The following TMC5 variants were observed in gnomAD, a reference collection of about 807,000 sequenced individuals.
TMC5 encodes transmembrane channel-like protein 5.
A neutral mutation model predicts 110.5 loss-of-function variants in TMC5; 86 were observed. The observed-to-expected ratio is 0.78, with a 90% CI of 0.65 to 0.93. The LOEUF (loss-of-function observed/expected upper bound fraction) is 0.93, where lower values mean the gene tolerates loss of function less well. Ranked by LOEUF, TMC5 falls within the 40% of genes least tolerant of loss-of-function variation. TMC5 has a pLI of 0.00. For missense variants in TMC5, 1,144 were observed against 1,222.8 expected (o/e 0.94, Z 0.96); for synonymous variants, 455 against 439.5 (o/e 1.04, Z -0.44).
intron 5 of TMC5, among the ~76,000 whole-genome samples, chr16:19,458,047 C>T (rs577366265): frequency 2.6e-5 from 4 of 151,888 alleles, no homozygotes; most frequent in Admixed American, 6.6e-5. Flanking sequence ...CATCCTTAAT[C>T]GCTACACTGT....
chr16:19,429,996 T>A lies in TMC5; in HGVS notation c.-307-417T>A, dbSNP rs115344099. 5.5e-3 allele frequency among the ~76,000 whole-genome samples: 840 copies of A among 151,828 alleles called. 13 individuals carry two copies. Among genetic ancestry groups the A allele is most frequent in the African/African-American group, 0.019 (786 of 41,392 alleles). ...ATTCTGAAGTACTGCGGACTGGGAC[T>A]TGAACATACCTTTTTGAGGGGATGC... On this transcript the variant is annotated intron_variant, in intron 1 of 21. Coordinates refer to ENST00000542583, the MANE Select transcript of TMC5 (RefSeq NM_001261841.2).
chr16:19,474,091 G>T, intron 11 of TMC5, 34 bp from the exon 12 acceptor site: 1 of 1,606,940 alleles, frequency 6.2e-7, no homozygotes, highest in African/African-American at 1.3e-5. Context: ...CAGTGTACAA[G>T]TCAGCCCTCC....
intron 6 of TMC5, chr16:19,462,373 T>C: frequency 1.8e-6 from 1 of 567,974 alleles, no homozygotes; most frequent in Admixed American, 2.8e-5. Flanking sequence ...ACATTGCCAA[T>C]TGTGTGGGGG....
chr16:19,450,905 T>C (rs573091903), intron 5 of TMC5, among the ~76,000 whole-genome samples: 65 of 152,204 alleles, frequency 4.3e-4, no homozygotes, highest in African/African-American at 1.5e-3. Flanking sequence ...CTGCAATCAG[T>C]TAGGAAGCTC....
At chr16:19,425,327 C>CT (rs35472194) in intron 1 of TMC5, among the ~76,000 whole-genome samples, 5,076 of 124,504 alleles carry the variant, frequency 0.041, 303 homozygotes, top group African/African-American at 0.13. Context: ...GTTGAGTTTG[C>CT]TTTTTTTTTT....
chr16:19,473,444 G>T (rs1429533149), intron 11 of TMC5, among the ~76,000 whole-genome samples: 1 of 147,610 alleles, frequency 6.8e-6, no homozygotes, highest in Non-Finnish European at 1.5e-5. Context: ...GAGAGGTGAA[G>T]CCTGGTGAAA....
intron 9 of TMC5, among the ~76,000 whole-genome samples, chr16:19,467,230 T>C (rs1387504457): frequency 6.6e-6 from 1 of 152,098 alleles, no homozygotes; most frequent in Non-Finnish European, 1.5e-5. Flanking sequence ...CAGCAGACCA[T>C]TGGTTTAAAC....
At chr16:19,442,983 C>T (rs949777707) in intron 3 of TMC5, among the ~76,000 whole-genome samples, 1 of 152,170 alleles carries the variant, frequency 6.6e-6, no homozygotes, top group African/African-American at 2.4e-5. Flanking sequence ...TGGAGAAAGG[C>T]CACCCAACTT....
intron 11 of TMC5, among the ~76,000 whole-genome samples, chr16:19,473,392 G>A (rs1221878951): frequency 4.3e-5 from 6 of 138,534 alleles, no homozygotes; most frequent in South Asian, 2.3e-4. Context: ...CCAGCAGCAC[G>A]GGCTAGCAGA....
chr16:19,410,783 G>A (rs1966854058), exon 1 of TMC5: 1 of 152,580 alleles, frequency 6.6e-6, no homozygotes, highest in Admixed American at 6.5e-5. Context: ...GGTGAGGCGG[G>A]TTCGCCAGGA....
chr16:19,472,342 A>T (rs766510360), intron 11 of TMC5, 99 bp downstream of exon 11: 1 of 1,374,678 alleles, frequency 7.3e-7, no homozygotes, highest in East Asian at 2.3e-5. Flanking sequence ...CCCAGGATCT[A>T]TGGCCAGCAG....
chr16:19,462,446 T>G (rs2143578416), intron 6 of TMC5: 1 of 694,682 alleles, frequency 1.4e-6, no homozygotes. Flanking sequence ...AAAGACATAC[T>G]TGAGACTGGG....
chr16:19,460,167 C>T, intron 5 of TMC5, 68 bp from the exon 6 acceptor site: 2 of 1,237,490 alleles, frequency 1.6e-6, no homozygotes, highest in Non-Finnish European at 2.3e-6. Flanking sequence ...CTGACTTCAG[C>T]ACCACATTTC....
intron 20 of TMC5, 27 bp from the exon 21 acceptor site, chr16:19,497,094 G>C: frequency 6.2e-7 from 1 of 1,613,644 alleles, no homozygotes. Context: ...CCTCCGTGAC[G>C]TGGCTGCTTG....
chr16:19,463,678 C>A, intron 7 of TMC5, 98 bp from the exon 8 acceptor site: 1 of 1,434,762 alleles, frequency 7.0e-7, no homozygotes, highest in Non-Finnish European at 9.5e-7. Flanking sequence ...CTTAACAATA[C>A]TCCAGACATG....
chr16:19,466,012 C>A, intron 8 of TMC5, 70 bp from the exon 9 acceptor site: 1 of 1,556,194 alleles, frequency 6.4e-7, no homozygotes, highest in Non-Finnish European at 8.8e-7. Flanking sequence ...GAGGTCAACT[C>A]TCATGACCAT....
chr16:19,413,278 C>G (rs1461332602), upstream of TMC5, among the ~76,000 whole-genome samples: 1 of 151,932 alleles, frequency 6.6e-6, no homozygotes. Context: ...ATTCCCAGCA[C>G]TTTGGGAGGC....
chr16:19,473,345 C>CAAA lies in TMC5; in HGVS notation c.1939-746_1939-744dup, dbSNP rs35872301. Among the ~76,000 whole-genome samples the CAAA allele has an allele frequency of 7.9e-4, 16 of 20,240 alleles. 7 individuals are homozygous for CAAA. The South Asian group carries it at 0.027, about 34-fold the overall frequency. 13.3% of individuals were successfully genotyped at this position (20,240 alleles called of 152,430 possible). ...TGGGCAACAGAGCGAGACTCCGGCTCAAAAAAAAAAAAAAAAAAAAAAAAA... is the reference window on the plus strand; with the variant it reads ...TGGGCAACAGAGCGAGACTCCGGCTCAAAAAAAAAAAAAAAAAAAAAAAAAAAA... On this transcript the variant is annotated intron_variant, in intron 11 of 21. Coordinates refer to ENST00000542583, the MANE Select transcript of TMC5 (RefSeq NM_001261841.2).
intron 5 of TMC5, 133 bp from the exon 6 acceptor site, chr16:19,460,102 T>G: frequency 1.8e-6 from 1 of 558,458 alleles, no homozygotes; most frequent in Admixed American, 3.4e-5. Context: ...GTTGTTTTCC[T>G]TTGTGATCTT....
Sources: gnomAD v4.1 joint callset for allele counts (sites outside exome capture counted in the v4.1 genomes callset) on GRCh38, gnomAD v4.1.1 for gene constraint, MANE v1.5 for transcripts, NCBI Gene and HGNC (gene_info 2026-07-23, HGNC 2026-07-21) for gene names.